SEPTIN9: variants seen among roughly 807,000 people sequenced by gnomAD.
SEPTIN9 encodes the protein septin 9.
In SEPTIN9, 13 loss-of-function variants were observed where a neutral mutation model predicts 56.6. That is an observed-to-expected ratio of 0.23 (90% CI 0.15 to 0.37). The LOEUF is 0.37. SEPTIN9 is among the 10% of genes least tolerant of loss of function. SEPTIN9 has a pLI of 1.00. For synonymous variants in SEPTIN9, 332 were observed against 334.1 expected (o/e 0.99, Z 0.07); for missense variants, 650 against 823.1 (o/e 0.79, Z 2.57).
At chr17:77,493,970 G>A (rs1158868923) in intron 10 of SEPTIN9, among the ~76,000 whole-genome samples, 1 of 151,914 alleles carries the variant, frequency 6.6e-6, no homozygotes, top group Non-Finnish European at 1.5e-5. Context: ...ACAGGATTTC[G>A]CCATGTTGGC....
intron 2 of SEPTIN9, among the ~76,000 whole-genome samples, chr17:77,384,842 AACAC>A (rs146495461): frequency 0.16 from 22,524 of 141,994 alleles, 1,903 homozygotes; most frequent in East Asian, 0.41. Flanking sequence ...AACCTGTTTA[AACAC>A]ACACACACAC....
rs2032754042 is a variant in SEPTIN9, at chr17:77,317,499, G to A, written c.76+10302G>A. On this transcript the variant is annotated intron_variant, in intron 2 of 11. Coordinates refer to ENST00000427177, the MANE Select transcript of SEPTIN9 (RefSeq NM_001113491.2). This position sits in a 1 kb window ranked among gnomAD's most constrained non-coding sequence, Gnocchi z 4.2. ...CCGTATTGTGAACGGCACATGTGAG[G>A]GATCTAGGTTGCGTGCTTCTTATGA... Among the ~76,000 whole-genome samples, 1 of 152,172 alleles carries A rather than the reference G, an allele frequency of 6.6e-6. No individual in the cohort carries two copies.
intron 3 of SEPTIN9, among the ~76,000 whole-genome samples, chr17:77,460,852 G>A (rs2038440024): frequency 6.6e-6 from 1 of 152,210 alleles, no homozygotes; most frequent in South Asian, 2.1e-4. Context: ...GAGACCTTGG[G>A]GATGAGTTGA....
chr17:77,309,982 CT>C (rs112299918), intron 2 of SEPTIN9, among the ~76,000 whole-genome samples: 450 of 143,332 alleles, frequency 3.1e-3, no homozygotes, highest in Middle Eastern at 3.6e-3. Context: ...CCTAGGTCTC[CT>C]TTTTTTTTTT....
At chr17:77,493,169 C>T (rs551272479) in intron 10 of SEPTIN9, 93 bp downstream of exon 10, 25 of 953,014 alleles carry the variant, frequency 2.6e-5, no homozygotes, top group Non-Finnish European at 3.3e-5. Context: ...GCCAGGGACT[C>T]GTGGAACCTC....
intron 8 of SEPTIN9, among the ~76,000 whole-genome samples, chr17:77,491,839 G>T (rs1468532367): frequency 6.6e-6 from 1 of 151,580 alleles, no homozygotes; most frequent in Non-Finnish European, 1.5e-5. Flanking sequence ...TTTCAGGAGG[G>T]ATGGTCTCTG....
intron 1 of SEPTIN9, chr17:77,281,775 C>T: frequency 2.0e-6 from 1 of 506,880 alleles, no homozygotes. Flanking sequence ...GCTCGAGTGT[C>T]GGAGGGGCTG....
chr17:77,414,071 AATTT>A (rs1295854500), intron 3 of SEPTIN9, among the ~76,000 whole-genome samples: 1 of 149,874 alleles, frequency 6.7e-6, no homozygotes, highest in African/African-American at 2.5e-5. Context: ...ACAATCCACC[AATTT>A]ATTTATTTAT....
chr17:77,326,502 C>T lies in SEPTIN9; in HGVS notation c.76+19305C>T, dbSNP rs557361215. 3.3e-5 allele frequency among the ~76,000 whole-genome samples: 5 copies of T among 152,286 alleles called. No homozygotes were observed. The highest frequency in any genetic ancestry group is 7.2e-5 in the African/African-American group (3 of 41,556). On this transcript the variant is annotated intron_variant, in intron 2 of 11. Coordinates refer to ENST00000427177, the MANE Select transcript of SEPTIN9 (RefSeq NM_001113491.2). The surrounding 1 kb of genome is among the most constrained non-coding windows in gnomAD (Gnocchi z 5.1). Reference sequence around the variant, plus strand: ...CTCAAACCCAGCAGGCAGAGGCGATCGCTGCAGGCAACCGGCAATGTGTTC... The same window carrying T: ...CTCAAACCCAGCAGGCAGAGGCGATTGCTGCAGGCAACCGGCAATGTGTTC...
In SEPTIN9 at chr17:77,380,258, C is replaced by CACCCCCCCCCCCCGCAT. The variant is rs1309017700; in HGVS notation, c.77-21801_77-21800insACCCCCCCCCCCCGCAT. 2.6e-3 allele frequency: 196 copies of CACCCCCCCCCCCCGCAT among 75,072 alleles called. 8 individuals carry two copies. The highest frequency in any genetic ancestry group is 4.1e-3 in the Non-Finnish European group (161 of 39,278). 4.7% of individuals were successfully genotyped at this position (75,072 alleles called of 1,614,324 possible). A position where few individuals can be genotyped will look rare whatever the true frequency, so the allele number is the denominator to read the frequency against. The stretch of plus-strand genomic sequence containing the variant: ...AGCCGGGACCATAAACAGTGAGGCC[C>CACCCCCCCCCCCCGCAT]GCCCCCCCCCCCACCCATGCCTGCC... On this transcript the variant is annotated intron_variant, in intron 2 of 11. Transcript: ENST00000427177.
At chr17:77,373,631 G>T in intron 2 of SEPTIN9, 1 of 1,511,720 alleles carries the variant, frequency 6.6e-7, no homozygotes, top group Non-Finnish European at 8.9e-7. Flanking sequence ...GGACGGGGGT[G>T]CGCTGAGGGG....
intron 2 of SEPTIN9, among the ~76,000 whole-genome samples, chr17:77,351,974 G>T (rs1168789004): frequency 6.6e-6 from 1 of 152,198 alleles, no homozygotes. Context: ...TGAGCATCTG[G>T]GTGACCCTGC....
intron 2 of SEPTIN9, among the ~76,000 whole-genome samples, chr17:77,395,867 C>T (rs2035695478): frequency 6.6e-6 from 1 of 152,226 alleles, no homozygotes; most frequent in South Asian, 2.1e-4. Flanking sequence ...GAAACCCGGA[C>T]TGTTTCCAGG....
chr17:77,344,002 A>C (rs868377665), intron 2 of SEPTIN9, among the ~76,000 whole-genome samples: 2 of 152,218 alleles, frequency 1.3e-5, no homozygotes, highest in African/African-American at 4.8e-5. Flanking sequence ...CCGAAAATAC[A>C]ACAAAAGAAA....
Position 77,309,392 on chromosome 17 carries a change from C to G in SEPTIN9, c.76+2195C>G, listed in dbSNP as rs559209338. Reference sequence around the variant, plus strand: ...CTCCCTCTGTGGGCCTCTGTGGGCTCTGGCCCGAGACACCCTTTCCTCATC... The same window carrying G: ...CTCCCTCTGTGGGCCTCTGTGGGCTGTGGCCCGAGACACCCTTTCCTCATC... On this transcript the variant is annotated intron_variant, in intron 2 of 11. Transcript: ENST00000427177. 1.2e-4 allele frequency among the ~76,000 whole-genome samples: 18 copies of G among 152,334 alleles called. No individual in the cohort carries two copies. The Middle Eastern group carries it at 0.01, about 86-fold the overall frequency.
At position 77,451,762 on chromosome 17, in the gene SEPTIN9, C is replaced by T. The variant is rs1361615370; in HGVS notation, c.722-30382C>T. ...TCGGCCTCAAAATAGAAGAATAGGG[C>T]TTTGTGTGGTCACAGCTATCTCTTT... On this transcript the variant is annotated intron_variant, in intron 3 of 11. Coordinates refer to ENST00000427177, the MANE Select transcript of SEPTIN9 (RefSeq NM_001113491.2). This position sits in a 1 kb window ranked among gnomAD's most constrained non-coding sequence, Gnocchi z 4.2. Among the ~76,000 whole-genome samples the T allele has an allele frequency of 1.3e-5, 2 of 152,220 alleles. No homozygotes were observed. Among genetic ancestry groups the T allele is most frequent in the Admixed American group, 1.3e-4 (2 of 15,288 alleles).
At chr17:77,407,637 C>G (rs74000232) in intron 3 of SEPTIN9, among the ~76,000 whole-genome samples, 11,068 of 152,154 alleles carry the variant, frequency 0.073, 1,222 homozygotes, top group African/African-American at 0.23. Flanking sequence ...GGAAGAGAGG[C>G]GCTGCAGAGG....
At chr17:77,375,370 G>C (rs2034883598) in intron 2 of SEPTIN9, 1 of 152,284 alleles carries the variant, frequency 6.6e-6, no homozygotes, top group Non-Finnish European at 1.5e-5. Context: ...CGGGCCCCCA[G>C]TGGGATTTCT....
intron 2 of SEPTIN9, among the ~76,000 whole-genome samples, chr17:77,380,623 A>G (rs116274111): frequency 0.016 from 2,470 of 152,226 alleles, 51 homozygotes; most frequent in African/African-American, 0.057. Flanking sequence ...GGAGCCTTGC[A>G]GACACCTGGA....
Sources: gnomAD v4.1 joint callset for allele counts (sites outside exome capture counted in the v4.1 genomes callset) on GRCh38, gnomAD v4.1.1 for gene constraint, Gnocchi (gnomAD v3.1) non-coding constraint, MANE v1.5 for transcripts, NCBI Gene and HGNC (gene_info 2026-07-23, HGNC 2026-07-21) for gene names.